The following ATAD2B variants were observed in gnomAD, a reference collection of about 807,000 sequenced individuals.
ATAD2B encodes the protein ATPase family AAA domain-containing protein 2B.
In ATAD2B, 40 loss-of-function variants were observed where a neutral mutation model predicts 167.6. The ratio of observed to expected loss-of-function variants is 0.24; its 90% CI spans 0.19 to 0.31. ATAD2B has a LOEUF of 0.31. Ranked by LOEUF, ATAD2B falls within the 10% of genes least tolerant of loss-of-function variation. The pLI, the probability that ATAD2B is intolerant of heterozygous loss-of-function variation, is 1.00. For missense variants in ATAD2B, 1,242 were observed against 1,757.2 expected, an observed-to-expected ratio of 0.71 and a Z score of 5.24; for synonymous variants, 579 against 596.5, an observed-to-expected ratio of 0.97 and a Z score of 0.43.
At chr2:23,711,342 C>CTTT in the ATAD2B span, among the ~76,000 whole-genome samples, 28 of 79,788 alleles carry the variant, frequency 3.5e-4, 3 homozygotes, top group African/African-American at 9.4e-4. Context: ...GAATTTCTTT[C>CTTT]TTTTTTTTTT....
At chr2:23,741,640 T>A in the ATAD2B span, among the ~76,000 whole-genome samples, 1 of 152,144 alleles carries the variant, frequency 6.6e-6, no homozygotes, top group African/African-American at 2.4e-5. Flanking sequence ...GACATAGGCA[T>A]GGGCAAGGAC....
At chr2:23,790,744 T>A (rs1681557441) in intron 19 of ATAD2B, among the ~76,000 whole-genome samples, 1 of 152,218 alleles carries the variant, frequency 6.6e-6, no homozygotes, top group Non-Finnish European at 1.5e-5. Context: ...TATTCACTCA[T>A]TCCTGACCCC....
At chr2:23,772,549 T>G (rs998860470) in intron 22 of ATAD2B, among the ~76,000 whole-genome samples, 1 of 151,996 alleles carries the variant, frequency 6.6e-6, no homozygotes, top group East Asian at 1.9e-4. Flanking sequence ...GTCTCTAAAA[T>G]AACTCAATGA....
chr2:23,873,434 T>C (rs77975787), intron 8 of ATAD2B, among the ~76,000 whole-genome samples: 3,971 of 152,284 alleles, frequency 0.026, 174 homozygotes, highest in African/African-American at 0.091. Flanking sequence ...TATGCTTAAG[T>C]CCCTTACATA....
Position 23,810,334 on chromosome 2 carries a change from AG to A in ATAD2B, c.2435del (p.Pro812LeufsTer36). ...PALYSVSAKT[P>X]EESCAQIFRE... ...AACCTACCTGTGCACATGATTCCTCAGGTGTTTTGGCACTAACTGAATAAAG... is the reference window on the plus strand; with the variant it reads ...AACCTACCTGTGCACATGATTCCTCAGTGTTTTGGCACTAACTGAATAAAG... On this transcript the variant is annotated frameshift_variant, in exon 18 of 28. Coordinates refer to ENST00000238789, the MANE Select transcript of ATAD2B (RefSeq NM_017552.4). LOFTEE classifies it high-confidence loss of function. 6.2e-7 allele frequency: 1 copy of A among 1,613,758 alleles called. No individual in the cohort carries two copies. The highest frequency in any genetic ancestry group is 8.5e-7 in the Non-Finnish European group (1 of 1,179,710).
chr2:23,815,705 T>G (rs1296501355), intron 17 of ATAD2B, among the ~76,000 whole-genome samples: 1 of 152,208 alleles, frequency 6.6e-6, no homozygotes, highest in Non-Finnish European at 1.5e-5. Context: ...ATGGCAAAAT[T>G]GATATCCTCA....
At chr2:23,867,751 T>C (rs1695353795) in intron 10 of ATAD2B, 84 bp downstream of exon 10, 1 of 933,112 alleles carries the variant, frequency 1.1e-6, no homozygotes, top group East Asian at 2.4e-5. Context: ...CCGAATTTTC[T>C]AGTTCTACTA....
chr2:23,796,754 T>C (rs1169009556), intron 19 of ATAD2B, among the ~76,000 whole-genome samples: 1 of 152,160 alleles, frequency 6.6e-6, no homozygotes, highest in African/African-American at 2.4e-5. Flanking sequence ...ATAATACTAA[T>C]ACCAAACATT....
chr2:23,825,613 AGAATGT>A (rs1438328576), intron 15 of ATAD2B, among the ~76,000 whole-genome samples: 1 of 152,252 alleles, frequency 6.6e-6, no homozygotes, highest in African/African-American at 2.4e-5. Context: ...ATATGATTAT[AGAATGT>A]GAATTATGTC....
intron 13 of ATAD2B, 116 bp from the exon 14 acceptor site, chr2:23,834,194 T>G: frequency 3.1e-6 from 2 of 648,448 alleles, no homozygotes; most frequent in Non-Finnish European, 4.5e-6. Flanking sequence ...TGGAGTGTCA[T>G]TCCGTTGCCC....
chr2:23,844,768 A>T lies in ATAD2B; in HGVS notation c.1569-10690T>A, dbSNP rs139696618. Among the ~76,000 whole-genome samples, 45 of 152,274 alleles carry T rather than the reference A, an allele frequency of 3.0e-4. 1 individual carries two copies. The East Asian group carries it at 8.5e-3, about 29-fold the overall frequency. On this transcript the variant is annotated intron_variant, in intron 13 of 27. Coordinates refer to ENST00000238789, the MANE Select transcript of ATAD2B (RefSeq NM_017552.4). ...ACATCAAGAAACTTAACATATGTGT[A>T]ATTAGAGTCCCAAAAGGAAAGAGGA...
chr2:23,747,850 A>C (rs17461695), downstream of ATAD2B, among the ~76,000 whole-genome samples: 1 of 151,940 alleles, frequency 6.6e-6, no homozygotes, highest in South Asian at 2.1e-4. Flanking sequence ...AACATGAAAT[A>C]GATTTAAAGA....
intron 18 of ATAD2B, among the ~76,000 whole-genome samples, chr2:23,800,318 A>G (rs1481525886): frequency 6.6e-6 from 1 of 152,218 alleles, no homozygotes; most frequent in Non-Finnish European, 1.5e-5. Flanking sequence ...TGCCCAGGGT[A>G]TGAGAGAGAT....
chr2:23,782,839 C>A (rs758589894), intron 22 of ATAD2B, 30 bp downstream of exon 22: 1 of 1,568,668 alleles, frequency 6.4e-7, no homozygotes, highest in African/African-American at 1.4e-5. Context: ...GATTGATTAT[C>A]AAGGGGAACC....
At chr2:23,805,016 G>A (rs1023878947) in intron 18 of ATAD2B, among the ~76,000 whole-genome samples, 5 of 151,522 alleles carry the variant, frequency 3.3e-5, no homozygotes, top group South Asian at 2.1e-4. Flanking sequence ...GGTGGTGGGC[G>A]CCTATAATCC....
intron 18 of ATAD2B, among the ~76,000 whole-genome samples, chr2:23,801,642 C>T (rs1019203925): frequency 2.6e-5 from 4 of 151,996 alleles, no homozygotes; most frequent in African/African-American, 7.2e-5. Flanking sequence ...TTTATTACAA[C>T]ATTATACTCC....
chr2:23,779,136 T>C (rs1210852402), intron 22 of ATAD2B, among the ~76,000 whole-genome samples: 2 of 151,842 alleles, frequency 1.3e-5, no homozygotes, highest in Non-Finnish European at 2.9e-5. Flanking sequence ...TGGCTAACAG[T>C]GACCCTGATG....
chr2:23,884,725 C>A, intron 6 of ATAD2B, 40 bp downstream of exon 6: 1 of 1,229,652 alleles, frequency 8.1e-7, no homozygotes, highest in East Asian at 2.5e-5. Flanking sequence ...TCTTCCCTCC[C>A]ACCTGAACTT....
the ATAD2B span, among the ~76,000 whole-genome samples, chr2:23,738,993 GAACT>G: frequency 2.6e-5 from 4 of 152,136 alleles, no homozygotes; most frequent in Non-Finnish European, 4.4e-5. Context: ...TCAACAAGAA[GAACT>G]AACTATCCTA....
Sources: allele counts gnomAD v4.1 joint callset (sites outside exome capture counted in the v4.1 genomes callset), GRCh38; gene constraint gnomAD v4.1.1; transcripts MANE v1.5; gene names NCBI Gene and HGNC (gene_info 2026-07-23, HGNC 2026-07-21).